Variants in OSMR observed in about 807,000 individuals in gnomAD.
OSMR encodes oncostatin M receptor.
Under a neutral mutation model 99.9 loss-of-function variants are expected in OSMR, and 81 were observed. The ratio of observed to expected loss-of-function variants is 0.81; its 90% CI spans 0.68 to 0.97. The LOEUF (loss-of-function observed/expected upper bound fraction) is 0.97. Among genes scored for constraint, OSMR ranks in the 50% least tolerant of loss-of-function variants. The pLI, the probability that OSMR is intolerant of heterozygous loss-of-function variation, is 0.00. For synonymous variants in OSMR, 406 were observed against 410.4 expected (o/e 0.99, Z 0.13); for missense variants, 1,099 against 1,153.4 (o/e 0.95, Z 0.68).
At chr5:38,861,198 T>G (rs1010733348) in intron 1 of OSMR, among the ~76,000 whole-genome samples, 9 of 151,720 alleles carry the variant, frequency 5.9e-5, no homozygotes, top group African/African-American at 1.5e-4. Context: ...TAGGACAATA[T>G]TGGAGGGAAG....
chr5:38,913,596 A>G (rs1433533033), intron 9 of OSMR, among the ~76,000 whole-genome samples: 2 of 152,110 alleles, frequency 1.3e-5, no homozygotes, highest in African/African-American at 4.8e-5. Flanking sequence ...GAGAGTTCTG[A>G]AGACATACAA....
chr5:38,870,517 C>G (rs1416105839), intron 2 of OSMR, among the ~76,000 whole-genome samples: 1 of 152,056 alleles, frequency 6.6e-6, no homozygotes, highest in Admixed American at 6.6e-5. Context: ...TATTTTCAAA[C>G]AGACCCACTG....
intron 12 of OSMR, 128 bp downstream of exon 12, chr5:38,921,922 T>A: frequency 1.3e-6 from 1 of 783,578 alleles, no homozygotes; most frequent in Non-Finnish European, 2.2e-6. Context: ...AAATCCAGCA[T>A]GGGTGTTAGG....
chr5:38,944,296 T>TA (rs1747933725), exon 2 of OSMR: 1 of 775,752 alleles, frequency 1.3e-6, no homozygotes, highest in African/African-American at 1.7e-5. Context: ...GCTGAAGTAT[T>TA]AAAGAAAATC....
At chr5:38,914,329 C>T (rs552133482) in intron 9 of OSMR, among the ~76,000 whole-genome samples, 1 of 152,220 alleles carries the variant, frequency 6.6e-6, no homozygotes, top group South Asian at 2.1e-4. Context: ...CTAATGAGGA[C>T]ACAAGTCAAA....
intron 2 of OSMR, among the ~76,000 whole-genome samples, chr5:38,873,834 A>T (rs78255653): frequency 6.6e-6 from 1 of 151,284 alleles, no homozygotes; most frequent in Non-Finnish European, 1.5e-5. Context: ...ATTTTATTCT[A>T]TTTTATTTTA....
In OSMR at chr5:38,918,982, A is replaced by C. The variant is rs767665473; in HGVS notation, c.1505A>C (p.Tyr502Ser). 1.9e-6 allele frequency: 3 copies of C among 1,614,060 alleles called. No homozygotes were observed. The African/African-American group carries it at 4.0e-5, about 22-fold the overall frequency. Residue 502 changes from tyrosine (Y) to serine (S), a missense_variant, in exon 11 of 18, where the codon TAC (tyrosine) becomes TCC (serine). By Grantham distance (144) the Tyr-to-Ser change is moderately radical. Coordinates refer to ENST00000274276, the MANE Select transcript of OSMR (RefSeq NM_003999.3). ...STKLILDRCS[Y>S]QICVIANNSV... ...AAACTAATCCTTGACAGGTGTTCCT[A>C]CCAAATCTGCGTCATAGCCAACAAC...
At chr5:38,852,718 A>ATTTTTTTTTTTCTTTTTTT (rs1740495418) in intron 1 of OSMR, among the ~76,000 whole-genome samples, 1 of 70,658 alleles carries the variant, frequency 1.4e-5, no homozygotes, top group Non-Finnish European at 2.6e-5. Context: ...TATTGTTTTC[A>ATTTTTTTTTTTCTTTTTTT]TTTTTTTTTT....
intron 2 of OSMR, among the ~76,000 whole-genome samples, chr5:38,874,037 G>A (rs1164232468): frequency 6.6e-6 from 1 of 151,870 alleles, no homozygotes; most frequent in South Asian, 2.1e-4. Context: ...TTTCCATGTT[G>A]CCGACTCTTT....
chr5:38,890,498 G>T (rs1221537923), intron 7 of OSMR, among the ~76,000 whole-genome samples: 1 of 152,064 alleles, frequency 6.6e-6, no homozygotes. Flanking sequence ...CTAAGCAACT[G>T]CTAGCAAGGC....
chr5:38,906,528 T>C (rs1305003366), intron 9 of OSMR, among the ~76,000 whole-genome samples: 3 of 152,218 alleles, frequency 2.0e-5, no homozygotes, highest in Non-Finnish European at 4.4e-5. Context: ...TTTTTTGTTA[T>C]AAATAGTAAT....
intron 2 of OSMR, among the ~76,000 whole-genome samples, chr5:38,944,741 T>C (rs1561435512): frequency 3.3e-5 from 5 of 152,216 alleles, no homozygotes; most frequent in Admixed American, 2.0e-4. Context: ...AGAGGCTCTA[T>C]GTCAGTGGGT....
intron 9 of OSMR, among the ~76,000 whole-genome samples, chr5:38,914,223 T>G (rs13190075): frequency 6.6e-6 from 1 of 152,096 alleles, no homozygotes; most frequent in Non-Finnish European, 1.5e-5. Context: ...TGGCTGAGGT[T>G]GTTTCTCAGA....
intron 1 of OSMR, among the ~76,000 whole-genome samples, chr5:38,851,076 A>G (rs1262126989): frequency 6.6e-6 from 1 of 152,140 alleles, no homozygotes; most frequent in African/African-American, 2.4e-5. Context: ...GTTCAATACC[A>G]TGGGTTGGAC....
intron 8 of OSMR, 56 bp from the exon 9 acceptor site, chr5:38,904,297 T>A (rs968907824): frequency 1.9e-6 from 3 of 1,568,952 alleles, no homozygotes; most frequent in Non-Finnish European, 2.6e-6. Flanking sequence ...CACTCACCAA[T>A]GTTTCTGTCT....
chr5:38,931,830 T>TGAG, intron 15 of OSMR, 53 bp from the exon 16 acceptor site: 1 of 1,584,376 alleles, frequency 6.3e-7, no homozygotes, highest in Non-Finnish European at 8.7e-7. Flanking sequence ...TTTATTCCTT[T>TGAG]GAGGAAGGGA....
intron 7 of OSMR, among the ~76,000 whole-genome samples, chr5:38,893,901 G>GA (rs1183253595): frequency 1.3e-5 from 2 of 152,038 alleles, no homozygotes; most frequent in African/African-American, 4.8e-5. Context: ...CAGCACTAAA[G>GA]AAAAAATCTT....
Position 38,933,205 on chromosome 5 carries a change from T to A in OSMR, c.2701T>A (p.Tyr901Asn). 6.2e-7 allele frequency: 1 copy of A among 1,614,160 alleles called. No individual in the cohort carries two copies. Residue 901 changes from tyrosine to asparagine, a missense_variant, in exon 18 of 18, where the codon TAC becomes AAC. Coordinates refer to ENST00000274276, the MANE Select transcript of OSMR (RefSeq NM_003999.3). The part of the protein sequence containing the change: ...ENVLKALEKN[Y>N]MNSLGEIPAG... ...TGTACTAAAGGCACTAGAAAAAAAC[T>A]ACATGAACTCCCTGGGAGAAATCCC...
chr5:38,891,630 A>T (rs556778152), intron 7 of OSMR, among the ~76,000 whole-genome samples: 99 of 152,298 alleles, frequency 6.5e-4, no homozygotes, highest in African/African-American at 2.4e-3. Context: ...TCCTGGGCAC[A>T]TGAGAACCCA....
Sources: gnomAD v4.1 joint callset for allele counts (sites outside exome capture counted in the v4.1 genomes callset) on GRCh38, gnomAD v4.1.1 for gene constraint, MANE v1.5 for transcripts, NCBI Gene and HGNC (gene_info 2026-07-23, HGNC 2026-07-21) for gene names.